The following IKZF1 variants were observed in gnomAD, a reference collection of about 807,000 sequenced individuals.
The protein encoded by IKZF1 is DNA-binding protein Ikaros.
In IKZF1, 10 loss-of-function variants were observed where a neutral mutation model predicts 51.7. The observed-to-expected ratio is 0.19, with a 90% CI of 0.12 to 0.33. The LOEUF (loss-of-function observed/expected upper bound fraction) is 0.33. Among genes scored for constraint, IKZF1 ranks in the 10% least tolerant of loss-of-function variants. The probability of loss-of-function intolerance (pLI) is 1.00; values close to 1 mark genes in which losing one functional copy is unlikely to be tolerated. For synonymous variants in IKZF1, 280 were observed against 282.3 expected (o/e 0.99, Z 0.08); for missense variants, 484 against 707.5 (o/e 0.68, Z 3.58).
intron 3 of IKZF1, chr7:50,369,342 C>G: frequency 2.5e-6 from 1 of 393,138 alleles, no homozygotes; most frequent in Non-Finnish European, 4.5e-6. Flanking sequence ...TATGTTGAAG[C>G]AGACCCTTCA....
At chr7:50,355,998 C>G (rs924382651) in intron 3 of IKZF1, among the ~76,000 whole-genome samples, 1 of 152,206 alleles carries the variant, frequency 6.6e-6, no homozygotes, top group Non-Finnish European at 1.5e-5. Flanking sequence ...GTTATCTCCA[C>G]GAACAGAAAA....
Position 50,332,647 on chromosome 7 carries a change from A to G in IKZF1, c.160+4890A>G, listed in dbSNP as rs1239233490. ...AATGCTGTAGGACTGAACTGGGACC[A>G]TGATTGATGTAAGTGGAGATGGGTT... On this transcript the variant is annotated intron_variant, in intron 3 of 7. Coordinates refer to ENST00000331340, the MANE Select transcript of IKZF1 (RefSeq NM_006060.6). Among the ~76,000 whole-genome samples, 11 of 152,162 alleles carry G rather than the reference A, an allele frequency of 7.2e-5. No homozygotes were observed. The South Asian group carries it at 1.7e-3, about 23-fold the overall frequency.
At chr7:50,335,898 C>A (rs1479446354) in intron 3 of IKZF1, among the ~76,000 whole-genome samples, 1 of 151,956 alleles carries the variant, frequency 6.6e-6, no homozygotes, top group Non-Finnish European at 1.5e-5. Flanking sequence ...TGGCAGGTGG[C>A]TCTGCTGTTC....
At chr7:50,318,148 A>T (rs1449391181) in intron 1 of IKZF1, among the ~76,000 whole-genome samples, 2 of 43,028 alleles carry the variant, frequency 4.6e-5, no homozygotes, top group Non-Finnish European at 9.1e-5. Context: ...GCGGCAGGCC[A>T]GGACCCAAGT....
chr7:50,360,770 C>T (rs981077580), intron 3 of IKZF1, among the ~76,000 whole-genome samples: 3 of 152,254 alleles, frequency 2.0e-5, no homozygotes, highest in African/African-American at 4.8e-5. Flanking sequence ...GCACTGCCTG[C>T]TGTGCCTCTC....
At chr7:50,327,580 G>T in intron 2 of IKZF1, 58 bp from the exon 3 acceptor site, 1 of 1,518,530 alleles carries the variant, frequency 6.6e-7, no homozygotes, top group Non-Finnish European at 8.9e-7. Flanking sequence ...AAAGCCGGGG[G>T]AAGCCCAGGC....
At chr7:50,325,147 C>T (rs1266611506) in intron 2 of IKZF1, among the ~76,000 whole-genome samples, 2 of 152,014 alleles carry the variant, frequency 1.3e-5, no homozygotes, top group African/African-American at 4.8e-5. Context: ...AGGCAAGTGG[C>T]CTGGGTCCCT....
chr7:50,387,279 T>C (rs1813655941), intron 5 of IKZF1, 66 bp from the exon 6 acceptor site: 1 of 1,540,874 alleles, frequency 6.5e-7, no homozygotes, highest in African/African-American at 1.4e-5. Flanking sequence ...TTGTATTGCA[T>C]GCATTCCCCT....
At chr7:50,358,747 TAGTG>T (rs1250895181) in intron 3 of IKZF1, among the ~76,000 whole-genome samples, 1 of 151,064 alleles carries the variant, frequency 6.6e-6, no homozygotes, top group Non-Finnish European at 1.5e-5. Flanking sequence ...TTTTAGGAAA[TAGTG>T]AGACGACCAT....
chr7:50,319,083 G>A lies in IKZF1; in HGVS notation c.22G>A (p.Asp8Asn). Residue 8 changes from aspartate to asparagine, a missense_variant, in exon 2 of 8, where the codon GAC becomes AAC. Physicochemically the swap from Asp to Asn is conservative, Grantham distance 23 (BLOSUM62 1). Transcript: ENST00000331340. MDADEGQ[D>N]MSQVSGKESP... ...GACCATGGATGCTGATGAGGGTCAA[G>A]ACATGTCCCAAGTTTCAGGTGAGAC... The A allele has an allele frequency of 3.7e-6, 6 of 1,613,724 alleles. No individual in the cohort carries two copies. Among genetic ancestry groups the A allele is most frequent in the Non-Finnish European group, 4.2e-6 (5 of 1,179,676 alleles).
intron 3 of IKZF1, chr7:50,327,966 A>G (rs1341107684): frequency 1.8e-6 from 1 of 553,866 alleles, no homozygotes. Context: ...CGTGAGAGCC[A>G]CACACCCCGC....
At chr7:50,381,965 G>A (rs1584920744) in intron 4 of IKZF1, among the ~76,000 whole-genome samples, 1 of 152,162 alleles carries the variant, frequency 6.6e-6, no homozygotes, top group African/African-American at 2.4e-5. Flanking sequence ...CTTAGGGACA[G>A]ACAGGTAATG....
At chr7:50,384,161 G>C (rs1039203417) in intron 5 of IKZF1, among the ~76,000 whole-genome samples, 3 of 152,216 alleles carry the variant, frequency 2.0e-5, no homozygotes, top group African/African-American at 7.2e-5. Context: ...TTGCTTTAGA[G>C]ACATTCTAAA....
intron 3 of IKZF1, among the ~76,000 whole-genome samples, chr7:50,354,493 G>T (rs913233895): frequency 3.3e-5 from 5 of 152,232 alleles, no homozygotes; most frequent in African/African-American, 9.6e-5. Flanking sequence ...TTGAACACAG[G>T]CCTGAAGGGA....
At chr7:50,377,144 A>G (rs1810510308) in intron 4 of IKZF1, 2 of 218,428 alleles carry the variant, frequency 9.2e-6, no homozygotes, top group East Asian at 2.1e-4. Flanking sequence ...TCCACAAAAC[A>G]AAAAATCCTG....
Position 50,309,139 on chromosome 7 carries a change from A to G in IKZF1, c.-15+4217A>G, listed in dbSNP as rs1789539235. On this transcript the variant is annotated intron_variant, in intron 1 of 7. Transcript: ENST00000331340. ...TCCTGATAGCTCGTGGCGCGGGGCC[A>G]CGGCTTAACAAATGGCTGAAAATGG... Among the ~76,000 whole-genome samples the G allele has an allele frequency of 2.0e-5, 3 of 152,310 alleles. No homozygotes were observed. The South Asian group carries it at 6.2e-4, about 32-fold the overall frequency.
chr7:50,385,594 G>A (rs948973331), intron 5 of IKZF1, among the ~76,000 whole-genome samples: 2 of 152,218 alleles, frequency 1.3e-5, no homozygotes. Flanking sequence ...AGAGACACTT[G>A]AGTTCAGTTG....
intron 1 of IKZF1, among the ~76,000 whole-genome samples, chr7:50,318,232 A>G (rs971466931): frequency 6.6e-6 from 1 of 151,962 alleles, no homozygotes; most frequent in South Asian, 2.1e-4. Context: ...TGTGGCTCGT[A>G]GTACACTCTG....
intron 6 of IKZF1, among the ~76,000 whole-genome samples, chr7:50,391,195 A>G (rs1381335541): frequency 6.6e-6 from 1 of 152,172 alleles, no homozygotes; most frequent in Admixed American, 6.5e-5. Context: ...TTTGATTTTC[A>G]GGAGTTTGTT....
Sources: allele counts gnomAD v4.1 joint callset (sites outside exome capture counted in the v4.1 genomes callset), GRCh38; gene constraint gnomAD v4.1.1; transcripts MANE v1.5; gene names NCBI Gene and HGNC (gene_info 2026-07-23, HGNC 2026-07-21).